CPS1: variants seen among roughly 807,000 people sequenced by gnomAD.
CPS1 encodes carbamoyl-phosphate synthase [ammonia], mitochondrial.
Under a neutral mutation model 174.6 loss-of-function variants are expected in CPS1, and 109 were observed. The ratio of observed to expected loss-of-function variants is 0.62; its 90% CI spans 0.53 to 0.73. The LOEUF is 0.73. CPS1 is among the 30% of genes least tolerant of loss of function. The pLI is 0.00. For missense variants in CPS1, 1,689 were observed against 1,821.9 expected (o/e 0.93, Z 1.33); for synonymous variants, 637 against 632.0 (o/e 1.01, Z -0.12).
Position 210,590,213 on chromosome 2 carries a change from A to G in CPS1, c.819A>G (p.Pro273=), listed in dbSNP as rs140890568. The change falls in exon 8 of 38, where the codon CCA becomes CCG. Residue 273 remains proline, a synonymous_variant. Transcript: ENST00000233072. ...GGPGNPALAE[P]LIQNVRKILE... is the part of the protein sequence containing the mutation. ...CGGGGAACCCAGCTCTTGCAGAACC[A>G]CTAATTCAGAATGTCAGAAAGGTGC... 5.6e-6 allele frequency: 9 copies of G among 1,612,656 alleles called. No homozygotes were observed. The African/African-American group carries it at 1.1e-4, about 19-fold the overall frequency.
rs555810119 is a variant in CPS1, at chr2:210,547,541, C to G, written c.4-9178C>G. Among the ~76,000 whole-genome samples, 5 of 152,014 alleles carry G rather than the reference C, an allele frequency of 3.3e-5. No individual in the cohort carries two copies. The East Asian group carries it at 9.7e-4, about 29-fold the overall frequency. On this transcript the variant is annotated intron_variant, in intron 1 of 38. Transcript: ENST00000430249. ...AACAAAAATGAAAGAATTATATAGT[C>G]TAGTGGATGGCAATTCTCTTGGTAC...
intron 33 of CPS1, among the ~76,000 whole-genome samples, chr2:210,667,451 A>G (rs1028907279): frequency 3.3e-5 from 5 of 152,126 alleles, no homozygotes; most frequent in African/African-American, 4.8e-5. Context: ...TATGTTGGCT[A>G]TTTGACTTGT....
At chr2:210,659,122 T>G (rs148637377) in intron 31 of CPS1, among the ~76,000 whole-genome samples, 1 of 152,336 alleles carries the variant, frequency 6.6e-6, no homozygotes, top group East Asian at 1.9e-4. Context: ...TCTACTTAGT[T>G]TAACTAATCG....
intron 1 of CPS1, among the ~76,000 whole-genome samples, chr2:210,568,391 G>A (rs1020552020): frequency 6.6e-6 from 1 of 152,046 alleles, no homozygotes; most frequent in Non-Finnish European, 1.5e-5. Context: ...GTTTAAGAAA[G>A]CCTTAACTAT....
intron 17 of CPS1, 22 bp downstream of exon 17, chr2:210,605,268 A>G (rs766618727): frequency 6.2e-7 from 1 of 1,611,288 alleles, no homozygotes; most frequent in East Asian, 2.2e-5. Flanking sequence ...ATCTTCAAGA[A>G]CTATAGTAAT....
intron 25 of CPS1, among the ~76,000 whole-genome samples, chr2:210,646,455 C>G (rs557172617): frequency 6.6e-6 from 1 of 152,148 alleles, no homozygotes; most frequent in African/African-American, 2.4e-5. Flanking sequence ...TACACAGTAC[C>G]GTAATTGCTC....
intron 1 of CPS1, among the ~76,000 whole-genome samples, chr2:210,524,054 CCTACCAGAACAG>C (rs1185825354): frequency 6.6e-6 from 1 of 151,996 alleles, no homozygotes; most frequent in Admixed American, 6.6e-5. Context: ...TGCAAAAGCA[CCTACCAGAACAG>C]CTGTCAGAAC....
At chr2:210,631,522 A>C (rs1245606094) in intron 21 of CPS1, among the ~76,000 whole-genome samples, 2 of 152,190 alleles carry the variant, frequency 1.3e-5, no homozygotes, top group Non-Finnish European at 2.9e-5. Context: ...CTCACCATTA[A>C]AAGATTATGG....
intron 4 of CPS1, among the ~76,000 whole-genome samples, chr2:210,577,758 G>T (rs914479988): frequency 3.9e-5 from 6 of 152,156 alleles, no homozygotes; most frequent in African/African-American, 1.4e-4. Flanking sequence ...TCACATTTGG[G>T]AAGGGAGGGG....
chr2:210,504,645 A>T (rs1695231141), intron 1 of CPS1, among the ~76,000 whole-genome samples: 1 of 152,244 alleles, frequency 6.6e-6, no homozygotes, highest in African/African-American at 2.4e-5. Context: ...GTAACAAGCA[A>T]GTAAAGGATA....
intron 1 of CPS1, among the ~76,000 whole-genome samples, chr2:210,504,126 G>GT (rs1695217764): frequency 6.6e-6 from 1 of 152,076 alleles, no homozygotes; most frequent in Non-Finnish European, 1.5e-5. Flanking sequence ...ATATACCACT[G>GT]TGCTTTCTTT....
At chr2:210,595,461 C>T (rs780971768) in intron 12 of CPS1, 26 bp from the exon 13 acceptor site, 1 of 1,478,366 alleles carries the variant, frequency 6.8e-7, no homozygotes, top group African/African-American at 1.4e-5. Context: ...GCAGTAATAA[C>T]AGTGTCTTTT....
At chr2:210,478,876 A>G (rs1403999417) in intron 1 of CPS1, among the ~76,000 whole-genome samples, 3 of 150,428 alleles carry the variant, frequency 2.0e-5, no homozygotes, top group Non-Finnish European at 4.4e-5. Context: ...AAAGATTTTA[A>G]TTGCTGGAAA....
chr2:210,545,986 T>C (rs1462149942), intron 1 of CPS1, among the ~76,000 whole-genome samples: 2 of 152,106 alleles, frequency 1.3e-5, no homozygotes, highest in Non-Finnish European at 2.9e-5. Context: ...TAGCCTGTTA[T>C]GGTTGAGTCT....
At chr2:210,657,626 A>C (rs907329795) in intron 30 of CPS1, 1 of 152,254 alleles carries the variant, frequency 6.6e-6, no homozygotes, top group African/African-American at 2.4e-5. Context: ...CATCTTAAAT[A>C]AGCTTTGAGG....
At chr2:210,580,382 C>G (rs545650907) in intron 5 of CPS1, among the ~76,000 whole-genome samples, 1 of 152,098 alleles carries the variant, frequency 6.6e-6, no homozygotes, top group African/African-American at 2.4e-5. Context: ...CATCTGACCC[C>G]TCCTCTGAGA....
chr2:210,620,943 T>A (rs1699501221), intron 21 of CPS1, among the ~76,000 whole-genome samples: 1 of 152,092 alleles, frequency 6.6e-6, no homozygotes, highest in African/African-American at 2.4e-5. Context: ...CAGAACTCAG[T>A]ATGCTGTCTC....
At chr2:210,614,815 A>C (rs1197627161) in intron 20 of CPS1, among the ~76,000 whole-genome samples, 1 of 151,764 alleles carries the variant, frequency 6.6e-6, no homozygotes, top group Non-Finnish European at 1.5e-5. Context: ...GTTCTCACTC[A>C]TAAGTGGGAG....
At chr2:210,495,057 AG>A (rs1466530285) in intron 1 of CPS1, among the ~76,000 whole-genome samples, 1 of 152,218 alleles carries the variant, frequency 6.6e-6, no homozygotes, top group East Asian at 1.9e-4. Flanking sequence ...ATATGCAGCC[AG>A]GGTTGAAAAT....
Sources: gnomAD v4.1 joint callset for allele counts (sites outside exome capture counted in the v4.1 genomes callset) on GRCh38, gnomAD v4.1.1 for gene constraint, MANE v1.5 for transcripts, NCBI Gene and HGNC (gene_info 2026-07-23, HGNC 2026-07-21) for gene names.